The following ACBD6 variants were observed in gnomAD, a reference collection of about 807,000 sequenced individuals.
The protein encoded by ACBD6 is acyl-CoA binding domain containing 6, also known as acyl-CoA-binding domain-containing protein 6.
Under a neutral mutation model 37.2 loss-of-function variants are expected in ACBD6, and 28 were observed. The observed-to-expected ratio is 0.75, with a 90% CI of 0.56 to 1.03. The LOEUF (loss-of-function observed/expected upper bound fraction) is 1.03, where lower values mean the gene tolerates loss of function less well. Among genes scored for constraint, ACBD6 ranks in the 50% least tolerant of loss-of-function variants. ACBD6 has a pLI of 0.00. For synonymous variants in ACBD6, 113 were observed against 126.8 expected (o/e 0.89, Z 0.73); for missense variants, 340 against 337.4 (o/e 1.01, Z -0.06).
exon 14 of ACBD6, chr1:180,271,462 C>T (rs1158247974): frequency 1.2e-6 from 2 of 1,614,192 alleles, no homozygotes; most frequent in South Asian, 1.1e-5. Flanking sequence ...CATACAAGAA[C>T]TCCCCCAAGC....
rs565462793 is a variant in ACBD6, at chr1:180,418,466, C to G, written c.468-4995G>C. Among the ~76,000 whole-genome samples the G allele has an allele frequency of 2.3e-3, 346 of 151,970 alleles. 1 individual carries two copies. Among genetic ancestry groups the G allele is most frequent in the Non-Finnish European group, 3.7e-3 (254 of 67,970 alleles). On this transcript the variant is annotated intron_variant, in intron 4 of 7. Transcript: ENST00000367595. ...TGGTGGTGCGTGCCTGTAGTCCTAC[C>G]TATTTGGGAAGCTAAGGTGATAGGA... is the stretch of plus-strand genomic sequence containing the variant.
At chr1:180,419,182 C>T (rs905288599) in intron 4 of ACBD6, among the ~76,000 whole-genome samples, 14 of 152,120 alleles carry the variant, frequency 9.2e-5, no homozygotes, top group African/African-American at 2.2e-4. Flanking sequence ...ACCCAGGAAG[C>T]GGAGCTTGCA....
At position 180,337,533 on chromosome 1, in the gene ACBD6, C is replaced by T. The variant is rs529179962; in HGVS notation, c.664-22811G>A. 5.7e-3 allele frequency among the ~76,000 whole-genome samples: 864 copies of T among 152,082 alleles called. 4 individuals are homozygous for T. The highest frequency in any genetic ancestry group is 0.02 in the African/African-American group (819 of 41,450). The stretch of plus-strand genomic sequence containing the variant: ...ATAATAAGAGCTATCTATGACAAAC[C>T]CACAGCCAATATCATACTGAATGGG... On this transcript the variant is annotated intron_variant, in intron 6 of 7. Transcript: ENST00000367595.
intron 3 of ACBD6, among the ~76,000 whole-genome samples, chr1:180,483,756 G>T (rs1651150628): frequency 6.6e-6 from 1 of 152,012 alleles, no homozygotes; most frequent in Non-Finnish European, 1.5e-5. Flanking sequence ...TCATTAATGG[G>T]CTGCTTTTTT....
At chr1:180,452,479 A>AAATAATAAT (rs545587170) in intron 3 of ACBD6, among the ~76,000 whole-genome samples, 1 of 151,206 alleles carries the variant, frequency 6.6e-6, no homozygotes, top group African/African-American at 2.4e-5. Context: ...TCAAAAAATT[A>AAATAATAAT]AATAATAATA....
chr1:180,335,479 C>G (rs1651672974), intron 6 of ACBD6, among the ~76,000 whole-genome samples: 1 of 152,060 alleles, frequency 6.6e-6, no homozygotes. Context: ...TTTGTCACCA[C>G]CAGGCCTGCT....
intron 3 of ACBD6, chr1:180,435,065 A>T (rs1251580576): frequency 2.4e-6 from 2 of 825,622 alleles, no homozygotes; most frequent in African/African-American, 3.3e-5. Flanking sequence ...GTCAGCTTGC[A>T]CATGATCTGA....
At chr1:180,482,524 AAG>A (rs570576534) in intron 3 of ACBD6, among the ~76,000 whole-genome samples, 43 of 152,066 alleles carry the variant, frequency 2.8e-4, no homozygotes, top group Middle Eastern at 6.8e-3. Flanking sequence ...AAAAAAAAGC[AAG>A]AGAGAACCAA....
At chr1:180,433,574 CTGTGTGTGTGTGTGTG>C (rs61101474) in intron 3 of ACBD6, among the ~76,000 whole-genome samples, 5,661 of 149,052 alleles carry the variant, frequency 0.038, 314 homozygotes, top group African/African-American at 0.12. Context: ...TGGTGTTATG[CTGTGTGTGTGTGTGTG>C]TGTGTGTGTG....
At chr1:180,347,622 T>C (rs917233423) in intron 6 of ACBD6, among the ~76,000 whole-genome samples, 1 of 152,086 alleles carries the variant, frequency 6.6e-6, no homozygotes, top group African/African-American at 2.4e-5. Flanking sequence ...TTCCTTCAAT[T>C]CCCTATCCTT....
chr1:180,420,064 C>T (rs1416210745), intron 4 of ACBD6, among the ~76,000 whole-genome samples: 2 of 152,188 alleles, frequency 1.3e-5, no homozygotes, highest in African/African-American at 4.8e-5. Context: ...GCAAGACTGT[C>T]TAATGTCAAT....
At chr1:180,454,212 A>G (rs1649824393) in intron 3 of ACBD6, among the ~76,000 whole-genome samples, 1 of 152,234 alleles carries the variant, frequency 6.6e-6, no homozygotes, top group South Asian at 2.1e-4. Flanking sequence ...CGCCTCAGAA[A>G]TAACACCACG....
At chr1:180,499,890 TATTC>T (rs1011652068) in intron 1 of ACBD6, among the ~76,000 whole-genome samples, 2 of 152,180 alleles carry the variant, frequency 1.3e-5, no homozygotes, top group Admixed American at 6.5e-5. Context: ...CATTAACTGA[TATTC>T]ATAATAATGA....
intron 4 of ACBD6, among the ~76,000 whole-genome samples, chr1:180,423,750 T>A (rs999362756): frequency 6.6e-6 from 1 of 152,172 alleles, no homozygotes; most frequent in Admixed American, 6.5e-5. Context: ...CAAACTTGAC[T>A]GAAAATTTCT....
intron 5 of ACBD6, among the ~76,000 whole-genome samples, chr1:180,410,352 T>C (rs754033375): frequency 1.4e-4 from 21 of 152,102 alleles, no homozygotes; most frequent in Non-Finnish European, 2.4e-4. Flanking sequence ...GTAGAGAAAA[T>C]AGACTACTCC....
At chr1:180,411,532 A>T (rs932099904) in intron 5 of ACBD6, among the ~76,000 whole-genome samples, 3 of 152,224 alleles carry the variant, frequency 2.0e-5, no homozygotes, top group Admixed American at 2.0e-4. Flanking sequence ...GAAGATTATG[A>T]CTTGCTGAAG....
At position 180,316,834 on chromosome 1, in the gene ACBD6, G is replaced by A. The variant is rs377256171; in HGVS notation, c.664-2112C>T. Among the ~76,000 whole-genome samples, 7 of 152,304 alleles carry A rather than the reference G, an allele frequency of 4.6e-5. No homozygotes were observed. In the East Asian group the frequency reaches 1.3e-3, roughly 29 times the overall value. On this transcript the variant is annotated intron_variant, in intron 6 of 7. Transcript: ENST00000367595. The stretch of plus-strand genomic sequence containing the variant: ...TATAAATCTTATGTTGTAGTGGCTA[G>A]GGAATCAATAAGCAAATAAATATAT...
exon 11 of ACBD6, chr1:180,274,102 C>A: frequency 6.5e-7 from 1 of 1,547,688 alleles, no homozygotes; most frequent in South Asian, 1.1e-5. Context: ...CTTTCCTGGT[C>A]ATGTGTGTTC....
At chr1:180,365,162 A>G (rs1428018833) in intron 6 of ACBD6, among the ~76,000 whole-genome samples, 2 of 152,200 alleles carry the variant, frequency 1.3e-5, no homozygotes, top group African/African-American at 2.4e-5. Context: ...AAACTCCTCA[A>G]AAGTCTTCAG....
Sources: gnomAD v4.1 joint callset for allele counts (sites outside exome capture counted in the v4.1 genomes callset) on GRCh38, gnomAD v4.1.1 for gene constraint, MANE v1.5 for transcripts, NCBI Gene and HGNC (gene_info 2026-07-23, HGNC 2026-07-21) for gene names.